The following LSAMP variants were observed in gnomAD, a reference collection of about 807,000 sequenced individuals.
LSAMP encodes the protein limbic system-associated membrane protein.
A neutral mutation model predicts 38.6 loss-of-function variants in LSAMP; 7 were observed. That is an observed-to-expected ratio of 0.18 (90% CI 0.10 to 0.34). The LOEUF is 0.34. Among genes scored for constraint, LSAMP ranks in the 10% least tolerant of loss-of-function variants. LSAMP has a pLI of 1.00. For synonymous variants in LSAMP, 154 were observed against 166.8 expected (o/e 0.92, Z 0.59); for missense variants, 313 against 420.0 (o/e 0.75, Z 2.23).
At chr3:116,026,332 T>G (rs1378357034) in intron 2 of LSAMP, among the ~76,000 whole-genome samples, 5 of 152,204 alleles carry the variant, frequency 3.3e-5, no homozygotes, top group African/African-American at 1.2e-4. Context: ...CAGAGTTGAC[T>G]GTCCAGAGTT....
intron 1 of LSAMP, among the ~76,000 whole-genome samples, chr3:116,125,905 T>C (rs574419866): frequency 5.9e-5 from 9 of 152,314 alleles, no homozygotes; most frequent in African/African-American, 2.2e-4. Context: ...TGCTCTTTCA[T>C]GGTAAATAAG....
In LSAMP at chr3:116,386,051, A is replaced by G. The variant is rs181252857; in HGVS notation, c.155+58826T>C. ...CAAAAAACTTTGGGAAATTCTTACT[A>G]TTATAACTTCATTATATAGATGATG... On this transcript the variant is annotated intron_variant, in intron 1 of 6. Transcript: ENST00000490035. Among the ~76,000 whole-genome samples the G allele has an allele frequency of 2.0e-5, 3 of 152,256 alleles. 1 individual carries two copies. Among genetic ancestry groups the G allele is most frequent in the South Asian group, 4.1e-4 (2 of 4,820 alleles).
chr3:115,870,926 T>C (rs1936014742), intron 3 of LSAMP, among the ~76,000 whole-genome samples: 1 of 152,020 alleles, frequency 6.6e-6, no homozygotes, highest in African/African-American at 2.4e-5. Context: ...GGGGAGATGG[T>C]GATCACAAAC....
chr3:115,987,110 T>C (rs1007399030), intron 3 of LSAMP, among the ~76,000 whole-genome samples: 1 of 152,174 alleles, frequency 6.6e-6, no homozygotes, highest in Non-Finnish European at 1.5e-5. Context: ...TATGGCTCTC[T>C]GGAGGTCAGA....
chr3:116,135,759 C>T (rs567526404), intron 1 of LSAMP, among the ~76,000 whole-genome samples: 18 of 152,128 alleles, frequency 1.2e-4, no homozygotes, highest in East Asian at 1.9e-4. Context: ...ATTTTAAAAG[C>T]AATAAACTGT....
chr3:116,401,627 G>A (rs1452617646), intron 1 of LSAMP, among the ~76,000 whole-genome samples: 2 of 152,132 alleles, frequency 1.3e-5, no homozygotes, highest in African/African-American at 4.8e-5. Context: ...CAAGACTCAA[G>A]TGTAATCTTC....
At chr3:115,842,903 T>C (rs920094075) in intron 4 of LSAMP, among the ~76,000 whole-genome samples, 2 of 152,354 alleles carry the variant, frequency 1.3e-5, no homozygotes, top group South Asian at 4.1e-4. Context: ...AATATTTGTA[T>C]AGTTTTTTCT....
intron 6 of LSAMP, among the ~76,000 whole-genome samples, chr3:115,822,038 A>T (rs1164116945): frequency 1.3e-5 from 2 of 152,192 alleles, no homozygotes; most frequent in African/African-American, 4.8e-5. Flanking sequence ...TTTCTCACAG[A>T]TTTCTTCACT....
At chr3:116,333,473 G>A (rs1396540377) in intron 1 of LSAMP, among the ~76,000 whole-genome samples, 3 of 150,748 alleles carry the variant, frequency 2.0e-5, no homozygotes, top group African/African-American at 7.4e-5. Flanking sequence ...GGCGGAGGTT[G>A]CAGTGAGCAA....
chr3:116,207,049 G>C (rs896968060), intron 1 of LSAMP, among the ~76,000 whole-genome samples: 1 of 151,762 alleles, frequency 6.6e-6, no homozygotes. Context: ...AAGTCTCTTT[G>C]TAGGTCACTC....
chr3:116,073,868 G>A (rs1463969332), intron 2 of LSAMP, among the ~76,000 whole-genome samples: 1 of 152,052 alleles, frequency 6.6e-6, no homozygotes, highest in Admixed American at 6.6e-5. Flanking sequence ...ATAAGATTTG[G>A]CTGTCTTATG....
chr3:115,805,398 T>G lies in LSAMP; in HGVS notation c.*4919A>C, dbSNP rs990832666. ...TATTTATTTTTATTTGATTTTTTTT[T>G]CCTTAAGAATCATAGTAAACCTTAG... On this transcript the variant is annotated 3_prime_UTR_variant, in exon 7 of 7. Transcript: ENST00000490035. 3 of 152,164 alleles carry G rather than the reference T, an allele frequency of 2.0e-5. No individual in the cohort carries two copies. The highest frequency in any genetic ancestry group is 7.2e-5 in the African/African-American group (3 of 41,452). 9.4% of individuals were successfully genotyped at this position (152,164 alleles called of 1,614,324 possible).
chr3:116,153,301 A>T (rs1475222245), intron 1 of LSAMP, among the ~76,000 whole-genome samples: 1 of 152,098 alleles, frequency 6.6e-6, no homozygotes, highest in Non-Finnish European at 1.5e-5. Flanking sequence ...CTCAGACTAC[A>T]CCTACGTGAC....
At chr3:116,176,592 G>A (rs1041022086) in intron 1 of LSAMP, among the ~76,000 whole-genome samples, 5 of 152,106 alleles carry the variant, frequency 3.3e-5, no homozygotes, top group South Asian at 2.1e-4. Context: ...GAAAACACAA[G>A]CTCCATTAGA....
At chr3:115,910,480 A>G (rs949103153) in intron 3 of LSAMP, among the ~76,000 whole-genome samples, 1 of 152,180 alleles carries the variant, frequency 6.6e-6, no homozygotes, top group Non-Finnish European at 1.5e-5. Context: ...CTATTTTGAG[A>G]CAGCAAAAAA....
At chr3:115,966,634 G>A (rs1422864136) in intron 3 of LSAMP, among the ~76,000 whole-genome samples, 1 of 152,138 alleles carries the variant, frequency 6.6e-6, no homozygotes, top group East Asian at 1.9e-4. Context: ...ATCCATGGAT[G>A]GAAGAATAGT....
chr3:115,961,647 G>A (rs892716392), intron 3 of LSAMP, among the ~76,000 whole-genome samples: 2 of 152,132 alleles, frequency 1.3e-5, no homozygotes, highest in East Asian at 3.9e-4. Context: ...TCCCTGAGGC[G>A]GCAATGAGAA....
At chr3:116,037,259 A>C (rs773471677) in intron 2 of LSAMP, among the ~76,000 whole-genome samples, 2 of 152,190 alleles carry the variant, frequency 1.3e-5, no homozygotes, top group Non-Finnish European at 2.9e-5. Flanking sequence ...AATTTCACTG[A>C]ATATATTTCT....
chr3:116,279,198 G>A (rs1039513831), intron 1 of LSAMP, among the ~76,000 whole-genome samples: 1 of 152,112 alleles, frequency 6.6e-6, no homozygotes, highest in Admixed American at 6.6e-5. Context: ...GAGAGTGAGA[G>A]AGCCTTCTGT....
Sources: allele counts gnomAD v4.1 joint callset (sites outside exome capture counted in the v4.1 genomes callset), GRCh38; gene constraint gnomAD v4.1.1; transcripts MANE v1.5; gene names NCBI Gene and HGNC (gene_info 2026-07-23, HGNC 2026-07-21).